The following TUSC3 variants were observed in gnomAD, a reference collection of about 807,000 sequenced individuals.
TUSC3 encodes tumor suppressor candidate 3.
A neutral mutation model predicts 44.8 loss-of-function variants in TUSC3; 45 were observed. The observed-to-expected ratio is 1.00, with a 90% CI of 0.79 to 1.29. The LOEUF (loss-of-function observed/expected upper bound fraction) is 1.29, where lower values mean the gene tolerates loss of function less well. TUSC3 is among the 50% of genes most tolerant of loss of function. TUSC3 has a pLI of 0.00. For synonymous variants in TUSC3, 212 were observed against 152.9 expected, an observed-to-expected ratio of 1.39 and a Z score of -2.85; for missense variants, 519 against 437.9, an observed-to-expected ratio of 1.19 and a Z score of -1.65.
intron 5 of TUSC3, among the ~76,000 whole-genome samples, chr8:15,668,300 A>AT (rs1169064452): frequency 7.3e-5 from 11 of 151,506 alleles, no homozygotes; most frequent in Admixed American, 2.6e-4. Context: ...GGACTAGTAC[A>AT]TTTTTTTTCT....
downstream of TUSC3, chr8:15,766,777 C>G (rs1032917886): frequency 6.6e-6 from 1 of 152,054 alleles, no homozygotes; most frequent in Non-Finnish European, 1.5e-5. Context: ...CAAGTATTCC[C>G]TTTCTTGCTA....
At chr8:15,426,683 G>A (rs1230993855) in intron 1 of TUSC3, among the ~76,000 whole-genome samples, 1 of 152,166 alleles carries the variant, frequency 6.6e-6, no homozygotes, top group African/African-American at 2.4e-5. Flanking sequence ...CATGAATGTT[G>A]TAATGAACAT....
intron 1 of TUSC3, among the ~76,000 whole-genome samples, chr8:15,553,720 T>C (rs1028470173): frequency 1.3e-5 from 2 of 151,730 alleles, no homozygotes; most frequent in Admixed American, 6.6e-5. Context: ...CCAACACTTC[T>C]TCTCAAACAA....
intron 6 of TUSC3, among the ~76,000 whole-genome samples, chr8:15,719,689 G>A (rs1179003908): frequency 1.3e-5 from 2 of 151,940 alleles, no homozygotes; most frequent in African/African-American, 4.8e-5. Flanking sequence ...TAACACTGAA[G>A]GCTTATGTCA....
At chr8:15,489,203 C>T (rs528105991) in intron 2 of TUSC3, among the ~76,000 whole-genome samples, 5 of 152,174 alleles carry the variant, frequency 3.3e-5, no homozygotes, top group East Asian at 1.9e-4. Context: ...TTGGTTCAGT[C>T]GGGAAAGGCA....
At chr8:15,546,968 G>C (rs1238668919) in intron 1 of TUSC3, among the ~76,000 whole-genome samples, 3 of 151,598 alleles carry the variant, frequency 2.0e-5, no homozygotes, top group Non-Finnish European at 2.9e-5. Context: ...AGAGTGATTT[G>C]AAATCTGTTA....
intron 1 of TUSC3, among the ~76,000 whole-genome samples, chr8:15,617,327 A>T (rs1038729704): frequency 6.6e-6 from 1 of 151,522 alleles, no homozygotes; most frequent in Non-Finnish European, 1.5e-5. Flanking sequence ...TTTAGTAGAG[A>T]CAGGGTTTCA....
intron 1 of TUSC3, among the ~76,000 whole-genome samples, chr8:15,430,541 T>G (rs954631011): frequency 4.6e-5 from 7 of 151,026 alleles, no homozygotes; most frequent in Non-Finnish European, 1.0e-4. Flanking sequence ...GGGCAAAAAC[T>G]GGAAGCATTC....
intron 1 of TUSC3, among the ~76,000 whole-genome samples, chr8:15,594,003 A>G (rs994830458): frequency 6.6e-6 from 1 of 152,156 alleles, no homozygotes; most frequent in African/African-American, 2.4e-5. Flanking sequence ...GCATGTACTA[A>G]CGATACTATA....
chr8:15,509,221 T>G (rs1801099936), intron 2 of TUSC3, among the ~76,000 whole-genome samples: 1 of 152,226 alleles, frequency 6.6e-6, no homozygotes, highest in African/African-American at 2.4e-5. Flanking sequence ...TGATAGTCTT[T>G]TCTTCTTTCT....
Position 15,755,193 on chromosome 8 carries a change from T to A in TUSC3, c.1029-2598T>A, listed in dbSNP as rs1227144854. Among the ~76,000 whole-genome samples the A allele has an allele frequency of 2.0e-5, 3 of 152,142 alleles. No individual in the cohort carries two copies. In the East Asian group the frequency reaches 5.8e-4, roughly 29 times the overall value. Reference sequence around the variant, plus strand: ...CCTGCTCGTTACTAGCTGTGTGACCTTGGGCAAGTTACTTAACTTTTGTCA... The same window carrying A: ...CCTGCTCGTTACTAGCTGTGTGACCATGGGCAAGTTACTTAACTTTTGTCA... On this transcript the variant is annotated intron_variant, in intron 9 of 10. Transcript: ENST00000503731.
rs573844528 is a variant in TUSC3, at chr8:15,432,037, T to G, written n.91+14732T>G. On this transcript the variant is annotated intron_variant and non_coding_transcript_variant, in intron 1 of 5. Transcript: ENST00000503191. ...TTTGATTTGCTAGTGTTGAGGATTT[T>G]TGTATCTGTGTTCATCAGGGATATT... Among the ~76,000 whole-genome samples the G allele has an allele frequency of 2.7e-4, 41 of 152,026 alleles. 1 individual carries two copies. Among genetic ancestry groups the G allele is most frequent in the African/African-American group, 9.1e-4 (38 of 41,548 alleles).
chr8:15,540,470 GGGC>G lies in TUSC3; in HGVS notation c.47_49del (p.Arg16del), dbSNP rs1289906782. On this transcript the variant is annotated inframe_deletion, in exon 1 of 11. Coordinates refer to ENST00000503731, the MANE Select transcript of TUSC3 (RefSeq NM_006765.4). Reference sequence around the variant, plus strand: ...CGCTCCTTCACGCCGTAGGCAAGCGGGGCGGCGGCTGCGGTACCTGCCCACCGG... The same window carrying G: ...CGCTCCTTCACGCCGTAGGCAAGCGGGGCGGCTGCGGTACCTGCCCACCGG... 1 of 1,607,156 alleles carries G rather than the reference GGGC, an allele frequency of 6.2e-7. No individual in the cohort carries two copies. The highest frequency in any genetic ancestry group is 8.5e-7 in the Non-Finnish European group (1 of 1,177,602).
chr8:15,423,969 G>GTTTTTTTTTTT lies in TUSC3; in HGVS notation n.91+6692_91+6702dup, dbSNP rs112397215. Among the ~76,000 whole-genome samples, 24 of 70,384 alleles carry GTTTTTTTTTTT rather than the reference G, an allele frequency of 3.4e-4. 1 individual carries two copies. Among genetic ancestry groups the GTTTTTTTTTTT allele is most frequent in the Non-Finnish European group, 4.7e-4 (15 of 31,958 alleles). 46.2% of individuals were successfully genotyped at this position (70,384 alleles called of 152,430 possible). ...TACAGCATTCATACTGTTTTGCTTTGTTTTTTTTTTTTTTTTTTTTTTTTT... is the reference window on the plus strand; with the variant it reads ...TACAGCATTCATACTGTTTTGCTTTGTTTTTTTTTTTTTTTTTTTTTTTTTTTTTTTTTTTT... On this transcript the variant is annotated intron_variant and non_coding_transcript_variant, in intron 1 of 5. Transcript: ENST00000503191.
chr8:15,763,413 CT>C (rs1229222077), intron 10 of TUSC3, among the ~76,000 whole-genome samples: 2 of 150,140 alleles, frequency 1.3e-5, no homozygotes, highest in Non-Finnish European at 1.5e-5. Flanking sequence ...TTTTTGTTTT[CT>C]TTTTTTAAGT....
chr8:15,752,339 C>A (rs923163734), intron 9 of TUSC3, among the ~76,000 whole-genome samples: 1 of 151,974 alleles, frequency 6.6e-6, no homozygotes, highest in East Asian at 1.9e-4. Context: ...GGTGTGACAG[C>A]CTTAATATGT....
At chr8:15,565,980 A>G (rs968779642) in intron 1 of TUSC3, among the ~76,000 whole-genome samples, 1 of 152,294 alleles carries the variant, frequency 6.6e-6, no homozygotes, top group Admixed American at 6.5e-5. Context: ...TGACTTATTA[A>G]AAACTAAATA....
In TUSC3 at chr8:15,673,773, C is replaced by T. The variant is rs752641155; in HGVS notation, c.735C>T (p.Gly245=). 2 of 1,612,746 alleles carry T rather than the reference C, an allele frequency of 1.2e-6. No individual in the cohort carries two copies. The highest frequency in any genetic ancestry group is 3.3e-5 in the Admixed American group (2 of 59,908). ...GTATAGTCTTTGCTATGACTTCTGG[C>T]CAGATGTGGAACCATATCCGTGGAC... ...SLCIVFAMTS[G]QMWNHIRGPP... is the part of the protein sequence containing the mutation. The change falls in exon 6 of 11, where the codon GGC becomes GGT. Residue 245 remains glycine, a synonymous_variant. Transcript: ENST00000503731.
intron 1 of TUSC3, among the ~76,000 whole-genome samples, chr8:15,600,146 A>G (rs887562495): frequency 6.6e-6 from 1 of 151,768 alleles, no homozygotes; most frequent in African/African-American, 2.4e-5. Context: ...AAACAAAACA[A>G]TTATTTTATA....
Sources: gnomAD v4.1 joint callset for allele counts (sites outside exome capture counted in the v4.1 genomes callset) on GRCh38, gnomAD v4.1.1 for gene constraint, MANE v1.5 for transcripts, NCBI Gene and HGNC (gene_info 2026-07-23, HGNC 2026-07-21) for gene names.